PDE1C: variants seen among roughly 807,000 people sequenced by gnomAD.
PDE1C encodes phosphodiesterase 1C, also known as dual specificity calcium/calmodulin-dependent 3',5'-cyclic nucleotide phosphodiesterase 1C.
A neutral mutation model predicts 93.1 loss-of-function variants in PDE1C; 62 were observed. The ratio of observed to expected loss-of-function variants is 0.67; its 90% CI spans 0.54 to 0.82. The LOEUF (loss-of-function observed/expected upper bound fraction) is 0.82, where lower values mean the gene tolerates loss of function less well. Among genes scored for constraint, PDE1C ranks in the 40% least tolerant of loss-of-function variants. The pLI is 0.00. For missense variants in PDE1C, 742 were observed against 884.6 expected (o/e 0.84, Z 2.04); for synonymous variants, 325 against 310.1 (o/e 1.05, Z -0.50).
intron 1 of PDE1C, among the ~76,000 whole-genome samples, chr7:32,419,569 C>T (rs774288445): frequency 7.9e-5 from 12 of 152,134 alleles, no homozygotes; most frequent in Non-Finnish European, 1.8e-4. Flanking sequence ...GTGGAGGGCA[C>T]GGCAGGCTCC....
intron 15 of PDE1C, among the ~76,000 whole-genome samples, chr7:31,810,129 T>C (rs1787371668): frequency 2.0e-5 from 3 of 152,098 alleles, no homozygotes; most frequent in Non-Finnish European, 4.4e-5. Context: ...CTATCTAAAA[T>C]AATTTAATAA....
chr7:31,752,119 C>T lies in PDE1C; in HGVS notation c.*1265G>A, dbSNP rs1269083127. The stretch of plus-strand genomic sequence containing the variant: ...AAATGGAGGCATCAAAAAATTATGC[C>T]ATCCGAGCAAGGACCTGCAACTAGT... On this transcript the variant is annotated 3_prime_UTR_variant, in exon 18 of 18. Coordinates refer to ENST00000396191, the MANE Select transcript of PDE1C (RefSeq NM_001191057.4). 1.3e-5 allele frequency: 2 copies of T among 152,158 alleles called. No homozygotes were observed. Among genetic ancestry groups the T allele is most frequent in the African/African-American group, 2.4e-5 (1 of 41,446 alleles). The allele number at this position is 152,158 out of a possible 1,614,324, so 9.4% of individuals were successfully genotyped here.
chr7:31,981,884 C>T (rs1483893122), intron 2 of PDE1C, among the ~76,000 whole-genome samples: 10 of 152,140 alleles, frequency 6.6e-5, no homozygotes, highest in Admixed American at 2.6e-4. Flanking sequence ...ATCTTACAGA[C>T]GAAGTTAAAT....
At chr7:32,344,367 C>T (rs1489491410) in intron 1 of PDE1C, among the ~76,000 whole-genome samples, 1 of 152,298 alleles carries the variant, frequency 6.6e-6, no homozygotes, top group African/African-American at 2.4e-5. Flanking sequence ...TGAGCTACCA[C>T]GCCCAGCTAG....
At chr7:32,404,315 T>C (rs1420481457) in intron 1 of PDE1C, among the ~76,000 whole-genome samples, 1 of 152,142 alleles carries the variant, frequency 6.6e-6, no homozygotes, top group African/African-American at 2.4e-5. Flanking sequence ...TCCACAGAAG[T>C]GTTTAATTTC....
intron 1 of PDE1C, among the ~76,000 whole-genome samples, chr7:32,268,277 C>A (rs1810746226): frequency 6.6e-6 from 1 of 152,198 alleles, no homozygotes; most frequent in Admixed American, 6.5e-5. Context: ...AGGGGCAGGA[C>A]TTGGAGTCAG....
At chr7:32,212,847 C>G (rs915437202) in intron 1 of PDE1C, among the ~76,000 whole-genome samples, 1 of 152,158 alleles carries the variant, frequency 6.6e-6, no homozygotes, top group African/African-American at 2.4e-5. Context: ...TGTTCTCAAA[C>G]TTCAGCAGGC....
At chr7:32,341,240 A>T (rs1585117214) in intron 1 of PDE1C, among the ~76,000 whole-genome samples, 1 of 111,026 alleles carries the variant, frequency 9.0e-6, no homozygotes. Flanking sequence ...CAGTGGCGCG[A>T]TCTCGGCTCA....
intron 2 of PDE1C, among the ~76,000 whole-genome samples, chr7:31,978,599 G>A (rs1452857032): frequency 6.6e-6 from 1 of 152,118 alleles, no homozygotes; most frequent in African/African-American, 2.4e-5. Context: ...GTTTTCAGGT[G>A]GAGTGGAAGG....
chr7:31,734,073 C>A, the PDE1C span, among the ~76,000 whole-genome samples: 1 of 152,054 alleles, frequency 6.6e-6, no homozygotes, highest in East Asian at 1.9e-4. Context: ...AAAACTACCC[C>A]TCCCCCACCA....
At chr7:31,690,848 A>G in the PDE1C span, among the ~76,000 whole-genome samples, 1 of 152,176 alleles carries the variant, frequency 6.6e-6, no homozygotes, top group African/African-American at 2.4e-5. Flanking sequence ...TTTGAGCCTC[A>G]GTTTCTTCTT....
rs17160816 is a variant in PDE1C at position 32,035,891 on chromosome 7, C to G, written c.128+15663G>C. Among the ~76,000 whole-genome samples the G allele has an allele frequency of 4.2e-3, 637 of 152,284 alleles. 3 individuals are homozygous for G. The highest frequency in any genetic ancestry group is 0.014 in the African/African-American group (589 of 41,576). On this transcript the variant is annotated intron_variant, in intron 2 of 17. Transcript: ENST00000396191. ...AGGTAATCCCATGTTTCAGCTTTAA[C>G]GTGCCTGGTCAATTGTGAAAACTGA...
intron 3 of PDE1C, among the ~76,000 whole-genome samples, chr7:32,079,003 T>C (rs1335216370): frequency 6.6e-6 from 1 of 152,014 alleles, no homozygotes. Flanking sequence ...TGAGCAGGTG[T>C]GTAGGAGATG....
At chr7:32,093,355 A>G (rs950090868) in intron 3 of PDE1C, among the ~76,000 whole-genome samples, 1 of 152,188 alleles carries the variant, frequency 6.6e-6, no homozygotes, top group African/African-American at 2.4e-5. Flanking sequence ...CAAGCTTGTC[A>G]CTTGTGTTTC....
intron 2 of PDE1C, among the ~76,000 whole-genome samples, chr7:32,026,143 A>G (rs2128624462): frequency 6.6e-6 from 1 of 152,242 alleles, no homozygotes; most frequent in Non-Finnish European, 1.5e-5. Context: ...GAATGAATCA[A>G]CCACCAAATG....
chr7:31,800,179 A>G (rs1287419785), intron 16 of PDE1C, among the ~76,000 whole-genome samples: 1 of 151,590 alleles, frequency 6.6e-6, no homozygotes, highest in Non-Finnish European at 1.5e-5. Flanking sequence ...TATTTAACAA[A>G]TATATGTTTT....
At chr7:32,018,684 G>A (rs1237575410) in intron 2 of PDE1C, among the ~76,000 whole-genome samples, 4 of 152,072 alleles carry the variant, frequency 2.6e-5, no homozygotes, top group African/African-American at 9.7e-5. Context: ...GGAAAATAGG[G>A]AATGAGTACT....
At chr7:31,806,834 C>T (rs1250314663) in intron 16 of PDE1C, among the ~76,000 whole-genome samples, 1 of 151,730 alleles carries the variant, frequency 6.6e-6, no homozygotes, top group Non-Finnish European at 1.5e-5. Flanking sequence ...AAATTGACTC[C>T]CACTCATTAC....
intron 2 of PDE1C, among the ~76,000 whole-genome samples, chr7:31,903,321 G>A (rs769872071): frequency 6.6e-6 from 1 of 151,868 alleles, no homozygotes; most frequent in Non-Finnish European, 1.5e-5. Flanking sequence ...TGTATGGAAT[G>A]CTCAAAACTT....
Sources: allele counts gnomAD v4.1 joint callset (sites outside exome capture counted in the v4.1 genomes callset), GRCh38; gene constraint gnomAD v4.1.1; transcripts MANE v1.5; gene names NCBI Gene and HGNC (gene_info 2026-07-23, HGNC 2026-07-21).